The following FAM171A1 variants were observed in gnomAD, a reference collection of about 807,000 sequenced individuals.
FAM171A1 encodes the protein family with sequence similarity 171 member A1.
Under a neutral mutation model 74.9 loss-of-function variants are expected in FAM171A1, and 23 were observed. That is an observed-to-expected ratio of 0.31 (90% CI 0.22 to 0.44). FAM171A1 has a LOEUF of 0.44. FAM171A1 is among the 20% of genes least tolerant of loss of function. The pLI, the probability that FAM171A1 is intolerant of heterozygous loss-of-function variation, is 1.00. For missense variants in FAM171A1, 1,162 were observed against 1,159.2 expected, an observed-to-expected ratio of 1.00 and a Z score of -0.03; for synonymous variants, 527 against 505.7, an observed-to-expected ratio of 1.04 and a Z score of -0.57.
At chr10:15,353,920 A>T (rs1201843963) in intron 1 of FAM171A1, among the ~76,000 whole-genome samples, 3 of 152,246 alleles carry the variant, frequency 2.0e-5, no homozygotes, top group Non-Finnish European at 4.4e-5. Context: ...CCCTGAAAAC[A>T]GCTCAGCTCC....
At chr10:15,310,192 G>C (rs1199087745) in intron 1 of FAM171A1, among the ~76,000 whole-genome samples, 1 of 152,182 alleles carries the variant, frequency 6.6e-6, no homozygotes, top group Non-Finnish European at 1.5e-5. Context: ...TGTTTGGTGA[G>C]CAGGAATTTG....
At chr10:15,322,213 C>T (rs927660403) in intron 1 of FAM171A1, among the ~76,000 whole-genome samples, 6 of 152,094 alleles carry the variant, frequency 3.9e-5, no homozygotes, top group Admixed American at 3.3e-4. Context: ...ACAAATAATG[C>T]GTTGCTTTCT....
At chr10:15,321,716 C>T (rs1233454182) in intron 1 of FAM171A1, among the ~76,000 whole-genome samples, 1 of 152,182 alleles carries the variant, frequency 6.6e-6, no homozygotes, top group Non-Finnish European at 1.5e-5. Context: ...GCTGAGGCTT[C>T]CAAACCAAAA....
chr10:15,336,904 C>CTT (rs35067478), intron 1 of FAM171A1, among the ~76,000 whole-genome samples: 75 of 149,886 alleles, frequency 5.0e-4, no homozygotes, highest in African/African-American at 1.4e-3. Context: ...TTCTTTCTTT[C>CTT]TTTTTTTTTT....
chr10:15,282,388 C>T (rs1398514222), intron 2 of FAM171A1, among the ~76,000 whole-genome samples: 1 of 152,222 alleles, frequency 6.6e-6, no homozygotes, highest in Non-Finnish European at 1.5e-5. Flanking sequence ...AATGAATCAA[C>T]AATCTATATA....
In FAM171A1 at chr10:15,322,331, C is replaced by T. The variant is rs901860516; in HGVS notation, c.98-38226G>A. Among the ~76,000 whole-genome samples the T allele has an allele frequency of 4.8e-4, 73 of 152,190 alleles. 1 individual carries two copies. Among genetic ancestry groups the T allele is most frequent in the African/African-American group, 1.7e-3 (71 of 41,522 alleles). On this transcript the variant is annotated intron_variant, in intron 1 of 7. Transcript: ENST00000378116. Reference sequence around the variant, plus strand: ...CTTTTCCAGAATGCTTTCCAACACTCGAACTAGTCTTATTTATGTTAAGTG... The same window carrying T: ...CTTTTCCAGAATGCTTTCCAACACTTGAACTAGTCTTATTTATGTTAAGTG...
intron 2 of FAM171A1, among the ~76,000 whole-genome samples, chr10:15,280,539 G>A (rs1834954713): frequency 6.6e-6 from 1 of 152,074 alleles, no homozygotes; most frequent in Admixed American, 6.6e-5. Context: ...ACGGGTGGAG[G>A]GTGTTTTCCT....
intron 3 of FAM171A1, among the ~76,000 whole-genome samples, chr10:15,260,489 G>C (rs75497375): frequency 1.3e-5 from 2 of 152,206 alleles, no homozygotes; most frequent in Admixed American, 1.3e-4. Flanking sequence ...TGTGATGTTG[G>C]TTCAGAACAC....
intron 1 of FAM171A1, among the ~76,000 whole-genome samples, chr10:15,346,684 A>T (rs914874210): frequency 2.6e-5 from 4 of 152,174 alleles, no homozygotes; most frequent in Non-Finnish European, 4.4e-5. Context: ...CGTGGAAATG[A>T]GTGTTTCAAG....
At position 15,211,882 on chromosome 10, in the gene FAM171A1, A is replaced by G. The variant is rs1225555991; in HGVS notation, c.*1033T>C. 2.6e-5 allele frequency: 4 copies of G among 152,562 alleles called. No individual in the cohort carries two copies. Among genetic ancestry groups the G allele is most frequent in the Non-Finnish European group, 5.9e-5 (4 of 68,044 alleles). 9.5% of individuals were successfully genotyped at this position (152,562 alleles called of 1,614,324 possible). On this transcript the variant is annotated 3_prime_UTR_variant, in exon 8 of 8. Transcript: ENST00000378116. ...AGTTAATACGTAACCGTATATACAA[A>G]CAGCCAAAAAACCATAATGGTGCCA...
At chr10:15,266,640 C>T (rs892293034) in intron 3 of FAM171A1, among the ~76,000 whole-genome samples, 3 of 151,894 alleles carry the variant, frequency 2.0e-5, no homozygotes, top group East Asian at 3.9e-4. Context: ...CTGAGGTGGG[C>T]GGATCACTTG....
intron 5 of FAM171A1, among the ~76,000 whole-genome samples, chr10:15,227,412 C>T (rs541833311): frequency 6.6e-6 from 1 of 151,948 alleles, no homozygotes; most frequent in East Asian, 2.0e-4. Context: ...GAGACAGGGT[C>T]TTGTTCTGTC....
intron 2 of FAM171A1, among the ~76,000 whole-genome samples, chr10:15,276,776 C>G (rs927205339): frequency 7.2e-5 from 11 of 152,176 alleles, no homozygotes; most frequent in South Asian, 2.1e-4. Context: ...CCTCGACCTC[C>G]CAGGCTCAAG....
intron 1 of FAM171A1, among the ~76,000 whole-genome samples, chr10:15,346,047 A>C (rs1835814160): frequency 6.6e-6 from 1 of 152,170 alleles, no homozygotes; most frequent in African/African-American, 2.4e-5. Flanking sequence ...CTGTCTATGA[A>C]TGGAATGAAG....
In FAM171A1 at chr10:15,254,838, G is replaced by C; in HGVS notation, c.460C>G (p.Leu154Val). ...TAGCTGGTGTTCTCAGGCAACCTCA[G>C]AGCCCTTCTCTGGAAATGAACGCGA... ...QPRVHFQRRA[L>V]RLPENTSYSD... The change falls in exon 4 of 8, where the codon CTG (leucine) becomes GTG (valine). Residue 154 changes from leucine (L) to valine (V), a missense_variant. By Grantham distance (32) the Leu-to-Val change is conservative. Coordinates refer to ENST00000378116, the MANE Select transcript of FAM171A1 (RefSeq NM_001010924.2). The C allele has an allele frequency of 1.2e-6, 2 of 1,614,176 alleles. No homozygotes were observed. Among genetic ancestry groups the C allele is most frequent in the Non-Finnish European group, 1.7e-6 (2 of 1,179,992 alleles).
upstream of FAM171A1, among the ~76,000 whole-genome samples, chr10:15,371,335 A>G (rs1327078160): frequency 2.1e-5 from 3 of 142,922 alleles, no homozygotes; most frequent in Non-Finnish European, 4.6e-5. Context: ...GCCCGCGCCC[A>G]GGCCCCGGGC....
In FAM171A1 at chr10:15,272,805, C is replaced by T. The variant is rs554791291; in HGVS notation, c.418+3050G>A. 2.1e-3 allele frequency among the ~76,000 whole-genome samples: 322 copies of T among 152,194 alleles called. 2 individuals carry two copies. The highest frequency in any genetic ancestry group is 3.9e-3 in the Non-Finnish European group (265 of 67,994). ...TCCTGAATGACTACTGGGTACATAA[C>T]GAAATGAAGGCAGAAATAAAGATTT... is the stretch of plus-strand genomic sequence containing the variant. On this transcript the variant is annotated intron_variant, in intron 3 of 7. Coordinates refer to ENST00000378116, the MANE Select transcript of FAM171A1 (RefSeq NM_001010924.2).
intron 1 of FAM171A1, among the ~76,000 whole-genome samples, chr10:15,318,138 G>A (rs1370825526): frequency 6.6e-6 from 1 of 152,190 alleles, no homozygotes; most frequent in Non-Finnish European, 1.5e-5. Context: ...ACAAAATTCT[G>A]GAGACACATG....
In FAM171A1 at chr10:15,212,582, A is replaced by C; in HGVS notation, c.*333T>G. ...AAGTTTCATCTGTTCCCAGAATCCG[A>C]GGGAGAACTGAGGTGATCGTTAGAG... On this transcript the variant is annotated 3_prime_UTR_variant, in exon 8 of 8. Transcript: ENST00000378116. 3.3e-6 allele frequency: 1 copy of C among 300,706 alleles called. No individual in the cohort carries two copies. The highest frequency in any genetic ancestry group is 8.0e-5 in the East Asian group (1 of 12,430). 18.6% of individuals were successfully genotyped at this position (300,706 alleles called of 1,614,324 possible). A position where few individuals can be genotyped will look rare whatever the true frequency, so the allele number is the denominator to read the frequency against.
Sources: gnomAD v4.1 joint callset for allele counts (sites outside exome capture counted in the v4.1 genomes callset) on GRCh38, gnomAD v4.1.1 for gene constraint, MANE v1.5 for transcripts, NCBI Gene and HGNC (gene_info 2026-07-23, HGNC 2026-07-21) for gene names.